The following SAXO5 variants were observed in gnomAD, a reference collection of about 807,000 sequenced individuals.
SAXO5 encodes testis expressed 45.
At chr19:7,502,529 C>T in the SAXO5 span, among the ~76,000 whole-genome samples, 1 of 152,156 alleles carries the variant, frequency 6.6e-6, no homozygotes, top group African/African-American at 2.4e-5. Flanking sequence ...CACCAAGCCT[C>T]AGAAACCCTG....
the SAXO5 span, chr19:7,506,491 C>G: frequency 2.4e-6 from 1 of 423,624 alleles, no homozygotes; most frequent in Non-Finnish European, 4.4e-6. Flanking sequence ...GGCCCTGCCC[C>G]TTCTCCATCC....
chr19:7,505,915 C>T, the SAXO5 span: 8 of 1,521,922 alleles, frequency 5.3e-6, no homozygotes, highest in South Asian at 1.3e-5. Flanking sequence ...CCCCCGGGCC[C>T]GGGGACCTCT....
the SAXO5 span, chr19:7,506,800 C>G: frequency 2.2e-6 from 1 of 449,142 alleles, no homozygotes; most frequent in Non-Finnish European, 4.1e-6. Context: ...CCTTCCTCCT[C>G]CCCCACCTCC....
the SAXO5 span, chr19:7,500,819 C>T: frequency 2.7e-6 from 4 of 1,467,232 alleles, no homozygotes; most frequent in Non-Finnish European, 3.6e-6. Flanking sequence ...GCTGGTGTCC[C>T]GCGATGGCCA....
the SAXO5 span, chr19:7,506,346 C>T: frequency 4.5e-6 from 3 of 671,884 alleles, no homozygotes; most frequent in South Asian, 3.1e-5. Flanking sequence ...CTAACCAGCC[C>T]TCCCCTCCCC....
the SAXO5 span, chr19:7,505,291 C>T: frequency 6.2e-7 from 1 of 1,604,736 alleles, no homozygotes; most frequent in Non-Finnish European, 8.5e-7. Flanking sequence ...CCCACTTTAC[C>T]TTATTCTTGA....
the SAXO5 span, among the ~76,000 whole-genome samples, chr19:7,504,621 G>A: frequency 2.1e-4 from 32 of 151,790 alleles, no homozygotes; most frequent in African/African-American, 6.5e-4. Flanking sequence ...CAGGAGAATC[G>A]CCTGAACCCG....
At chr19:7,499,940 G>GTGTGTGTGTGTGTGTGTGTGTGTGTA in the SAXO5 span, 6 of 143,252 alleles carry the variant, frequency 4.2e-5, no homozygotes, top group African/African-American at 1.4e-4. Context: ...ATTTGTGTGT[G>GTGTGTGTGTGTGTGTGTGTGTGTGTA]TGTGTGTGTG....
At chr19:7,501,334 C>A in the SAXO5 span, 1 of 1,564,436 alleles carries the variant, frequency 6.4e-7, no homozygotes, top group Non-Finnish European at 8.6e-7. Context: ...CCGCCCACCA[C>A]GCACCAGGCG....
the SAXO5 span, chr19:7,506,019 G>A: frequency 6.2e-7 from 1 of 1,611,550 alleles, no homozygotes; most frequent in East Asian, 2.2e-5. Flanking sequence ...AAATTGCAGA[G>A]TCATGTGACC....
the SAXO5 span, chr19:7,506,022 A>T: frequency 6.2e-7 from 1 of 1,612,268 alleles, no homozygotes; most frequent in Non-Finnish European, 8.5e-7. Flanking sequence ...TTGCAGAGTC[A>T]TGTGACCCTA....
chr19:7,508,148 A>G, the SAXO5 span: 85 of 1,437,322 alleles, frequency 5.9e-5, no homozygotes, highest in East Asian at 1.1e-3. Flanking sequence ...TGGGGTGGAC[A>G]GGGTGGATCG....
chr19:7,506,352 T>G, the SAXO5 span: 4 of 287,898 alleles, frequency 1.4e-5, no homozygotes, highest in Non-Finnish European at 1.7e-5. Context: ...AGCCCTCCCC[T>G]CCCCCGGCTT....
the SAXO5 span, chr19:7,499,896 G>A: frequency 3.4e-5 from 5 of 148,972 alleles, no homozygotes; most frequent in African/African-American, 1.3e-4. Flanking sequence ...AGGACCGTTT[G>A]AGCCCAAGAG....
At chr19:7,501,950 G>A in the SAXO5 span, among the ~76,000 whole-genome samples, 12 of 150,832 alleles carry the variant, frequency 8.0e-5, 1 homozygote, top group African/African-American at 2.7e-4. Context: ...AGACTTGGGG[G>A]GTGGCGAGGC....
At chr19:7,501,877 G>C in the SAXO5 span, among the ~76,000 whole-genome samples, 4 of 147,048 alleles carry the variant, frequency 2.7e-5, no homozygotes, top group African/African-American at 1.0e-4. Flanking sequence ...GAGAGAGAGA[G>C]GAAGGAAGGA....
the SAXO5 span, chr19:7,501,409 C>T: frequency 2.0e-6 from 3 of 1,473,470 alleles, no homozygotes; most frequent in Admixed American, 2.5e-5. Flanking sequence ...GGTGAGCGCG[C>T]GCCCGGGCTG....
the SAXO5 span, chr19:7,504,461 A>G: frequency 6.8e-7 from 1 of 1,468,894 alleles, no homozygotes; most frequent in African/African-American, 1.4e-5. Flanking sequence ...TAATCCCAGC[A>G]CTTTGGGAGG....
chr19:7,506,728 C>G, the SAXO5 span: 2 of 387,470 alleles, frequency 5.2e-6, no homozygotes, highest in Non-Finnish European at 9.6e-6. Context: ...CTTCCTTTGT[C>G]CCAGCTCCTC....
Sources: allele counts gnomAD v4.1 joint callset (sites outside exome capture counted in the v4.1 genomes callset), GRCh38; gene constraint gnomAD v4.1.1; transcripts MANE v1.5; gene names NCBI Gene and HGNC (gene_info 2026-07-23, HGNC 2026-07-21).